STOX2: variants seen among roughly 807,000 people sequenced by gnomAD.
STOX2 encodes the protein storkhead-box protein 2.
A neutral mutation model predicts 60.9 loss-of-function variants in STOX2; 28 were observed. The ratio of observed to expected loss-of-function variants is 0.46; its 90% confidence interval spans 0.34 to 0.63. The LOEUF (loss-of-function observed/expected upper bound fraction) is 0.63, where lower values mean the gene tolerates loss of function less well. Among genes scored for constraint, STOX2 ranks in the 30% least tolerant of loss-of-function variants. STOX2 has a pLI of 0.01. For missense variants in STOX2, 1,024 were observed against 1,187.7 expected (o/e 0.86, Z 2.03); for synonymous variants, 472 against 463.9 (o/e 1.02, Z -0.22).
chr4:183,844,692 T>C (rs1322875236), intron 1 of STOX2, among the ~76,000 whole-genome samples: 1 of 152,232 alleles, frequency 6.6e-6, no homozygotes, highest in Non-Finnish European at 1.5e-5. Flanking sequence ...GGAGAGACTG[T>C]AGGTAGGACT....
At chr4:183,998,924 G>A (rs961184923) in intron 1 of STOX2, among the ~76,000 whole-genome samples, 6 of 152,198 alleles carry the variant, frequency 3.9e-5, no homozygotes, top group African/African-American at 4.8e-5. Context: ...AGAGGTGGCC[G>A]GACTGTAGTC....
At chr4:183,927,054 C>T (rs977258619) in intron 1 of STOX2, among the ~76,000 whole-genome samples, 5 of 152,212 alleles carry the variant, frequency 3.3e-5, no homozygotes, top group Admixed American at 1.3e-4. Context: ...TCGGGAGGAT[C>T]AAAACAACAC....
intron 1 of STOX2, among the ~76,000 whole-genome samples, chr4:183,851,070 G>T (rs1421160438): frequency 1.5e-5 from 2 of 132,112 alleles, no homozygotes; most frequent in African/African-American, 5.7e-5. Flanking sequence ...AAGGATGAGG[G>T]AAAGGATGAG....
intron 1 of STOX2, among the ~76,000 whole-genome samples, chr4:183,921,827 T>C (rs1742107879): frequency 6.6e-6 from 1 of 152,246 alleles, no homozygotes; most frequent in Non-Finnish European, 1.5e-5. Context: ...GTTTCATGGC[T>C]AGCTAACTAG....
chr4:183,976,157 C>T (rs780346568), intron 1 of STOX2, among the ~76,000 whole-genome samples: 1 of 152,046 alleles, frequency 6.6e-6, no homozygotes, highest in Non-Finnish European at 1.5e-5. Context: ...CTAAAAAATA[C>T]AAAAATTAGC....
In STOX2 at chr4:183,881,375, G is replaced by A. The variant is rs559297003; in HGVS notation, c.364+83320G>A. On this transcript the variant is annotated intron_variant, in intron 1 of 2. Coordinates refer to the STOX2 transcript ENST00000513034. ...AAAAATTAGTTAGGTGTGGTGGTGC[G>A]CCTGTAGCCCCAGCTACTCTGGAGG... is the stretch of plus-strand genomic sequence containing the variant. Among the ~76,000 whole-genome samples, 9 of 152,220 alleles carry A rather than the reference G, an allele frequency of 5.9e-5. No homozygotes were observed. In the South Asian group the frequency reaches 8.3e-4, roughly 14 times the overall value.
rs772980169 is a variant in STOX2, at chr4:183,821,151, C to T, written c.364+23096C>T. ...AAAAGAAAAAAGAGATTTTTCTCTTCACGGTTCTGTTGAGTTCCTGGCCCT... is the reference window on the plus strand; with the variant it reads ...AAAAGAAAAAAGAGATTTTTCTCTTTACGGTTCTGTTGAGTTCCTGGCCCT... On this transcript the variant is annotated intron_variant, in intron 1 of 2. Coordinates refer to the STOX2 transcript ENST00000513034. The surrounding 1 kb of genome is among the most constrained non-coding windows in gnomAD (Gnocchi z 4.2). Among the ~76,000 whole-genome samples the T allele has an allele frequency of 6.6e-6, 1 of 152,140 alleles. No individual in the cohort carries two copies. Among genetic ancestry groups the T allele is most frequent in the Non-Finnish European group, 1.5e-5 (1 of 68,012 alleles).
chr4:183,947,005 T>C (rs546520692), intron 1 of STOX2, among the ~76,000 whole-genome samples: 57 of 152,152 alleles, frequency 3.7e-4, no homozygotes, highest in African/African-American at 1.3e-3. Flanking sequence ...ATGTAGGATG[T>C]GGGTAAGTTC....
chr4:183,964,687 A>G (rs148884456), intron 1 of STOX2, among the ~76,000 whole-genome samples: 141 of 152,192 alleles, frequency 9.3e-4, no homozygotes, highest in Admixed American at 1.6e-3. Context: ...GGTTCAAGCG[A>G]TTCTCCCACC....
chr4:183,939,910 C>A (rs1742704860), intron 1 of STOX2, among the ~76,000 whole-genome samples: 1 of 152,048 alleles, frequency 6.6e-6, no homozygotes, highest in Non-Finnish European at 1.5e-5. Flanking sequence ...TTAAAGATAG[C>A]ATTTTTTTCT....
At chr4:183,931,291 G>A (rs973845220) in intron 1 of STOX2, among the ~76,000 whole-genome samples, 3 of 152,114 alleles carry the variant, frequency 2.0e-5, no homozygotes, top group African/African-American at 4.8e-5. Flanking sequence ...GGGTATGGTG[G>A]CATGCGCCTG....
chr4:183,860,780 A>G (rs1010102633), intron 1 of STOX2, among the ~76,000 whole-genome samples: 2 of 152,168 alleles, frequency 1.3e-5, no homozygotes, highest in Non-Finnish European at 2.9e-5. Context: ...TGACACCTTT[A>G]TGAAAAACCC....
intron 1 of STOX2, among the ~76,000 whole-genome samples, chr4:183,869,881 C>A (rs1740648789): frequency 6.6e-6 from 1 of 152,146 alleles, no homozygotes; most frequent in African/African-American, 2.4e-5. Context: ...TTTCTTGCTT[C>A]TTTTTTGTAC....
chr4:183,853,390 C>T (rs1027171671), intron 1 of STOX2: 2 of 152,188 alleles, frequency 1.3e-5, no homozygotes, highest in African/African-American at 4.8e-5. Flanking sequence ...CCAGACAAGT[C>T]GTTCACCACT....
At chr4:183,997,249 A>C (rs1424691598) in intron 1 of STOX2, among the ~76,000 whole-genome samples, 1 of 152,246 alleles carries the variant, frequency 6.6e-6, no homozygotes, top group African/African-American at 2.4e-5. Context: ...ATGAAAAGCC[A>C]GTCTTGAAAG....
intron 1 of STOX2, among the ~76,000 whole-genome samples, chr4:183,860,101 C>T (rs190641539): frequency 4.0e-5 from 6 of 150,428 alleles, no homozygotes; most frequent in African/African-American, 1.2e-4. Context: ...TTTTTTTTAC[C>T]GATGTCTACC....
intron 1 of STOX2, among the ~76,000 whole-genome samples, chr4:183,805,754 A>C (rs1322323805): frequency 2.0e-5 from 3 of 152,258 alleles, no homozygotes; most frequent in Admixed American, 6.5e-5. Flanking sequence ...TGGAAGCTAC[A>C]GTGAGCCAAG....
intron 1 of STOX2, among the ~76,000 whole-genome samples, chr4:183,957,154 A>AATAATG (rs1743274321): frequency 1.4e-5 from 1 of 74,024 alleles, no homozygotes; most frequent in Non-Finnish European, 3.6e-5. Context: ...AAAGTATAAT[A>AATAATG]ATAATAATAA....
At position 183,825,204 on chromosome 4, in the gene STOX2, C is replaced by T. The variant is rs1296541838; in HGVS notation, c.364+27149C>T. Among the ~76,000 whole-genome samples the T allele has an allele frequency of 1.3e-5, 2 of 152,128 alleles. No individual in the cohort carries two copies. Among genetic ancestry groups the T allele is most frequent in the Non-Finnish European group, 2.9e-5 (2 of 68,022 alleles). The stretch of plus-strand genomic sequence containing the variant: ...GATGGTCTCAGGTCCACCATGAGGA[C>T]GGCTGGGACATTCTTCCAGCTTATT... On this transcript the variant is annotated intron_variant, in intron 1 of 2. Transcript: ENST00000513034. The surrounding 1 kb of genome is among the most constrained non-coding windows in gnomAD (Gnocchi z 4.1).
Sources: gnomAD v4.1 joint callset for allele counts (sites outside exome capture counted in the v4.1 genomes callset) on GRCh38, gnomAD v4.1.1 for gene constraint, Gnocchi (gnomAD v3.1) non-coding constraint, MANE v1.5 for transcripts, NCBI Gene and HGNC (gene_info 2026-07-23, HGNC 2026-07-21) for gene names.